SLC8A1: variants seen among roughly 807,000 people sequenced by gnomAD.
SLC8A1 encodes the protein solute carrier family 8 member A1.
In SLC8A1, 18 loss-of-function variants were observed where a neutral mutation model predicts 68.3. The ratio of observed to expected loss-of-function variants is 0.26; its 90% CI spans 0.18 to 0.39. The LOEUF (loss-of-function observed/expected upper bound fraction) is 0.39. Ranked by LOEUF, SLC8A1 falls within the 10% of genes least tolerant of loss-of-function variation. The pLI, the probability that SLC8A1 is intolerant of heterozygous loss-of-function variation, is 1.00. For synonymous variants in SLC8A1, 475 were observed against 415.5 expected, an observed-to-expected ratio of 1.14 and a Z score of -1.74; for missense variants, 985 against 1,156.7, an observed-to-expected ratio of 0.85 and a Z score of 2.15.
At chr2:40,399,536 G>A (rs1036226846) in intron 2 of SLC8A1, among the ~76,000 whole-genome samples, 3 of 152,066 alleles carry the variant, frequency 2.0e-5, no homozygotes, top group Non-Finnish European at 2.9e-5. Context: ...TAGAGGTCTA[G>A]ATCCAAAAAA....
chr2:40,249,130 TTAAGC>T (rs2062337417), intron 2 of SLC8A1, among the ~76,000 whole-genome samples: 1 of 152,182 alleles, frequency 6.6e-6, no homozygotes, highest in African/African-American at 2.4e-5. Flanking sequence ...AGTTCATTGA[TTAAGC>T]TAAGATCTGC....
chr2:40,200,695 G>A (rs934034931), intron 2 of SLC8A1, among the ~76,000 whole-genome samples: 3 of 151,696 alleles, frequency 2.0e-5, no homozygotes, highest in African/African-American at 7.3e-5. Context: ...AAGGCCAAAT[G>A]AAGACATTCC....
intron 7 of SLC8A1, among the ~76,000 whole-genome samples, chr2:40,129,450 C>T (rs751149004): frequency 1.1e-4 from 17 of 151,976 alleles, no homozygotes; most frequent in Non-Finnish European, 2.2e-4. Context: ...TGCCCAGGCT[C>T]ATCTCGAACT....
chr2:40,410,160 C>A (rs1255255883), intron 2 of SLC8A1, among the ~76,000 whole-genome samples: 1 of 152,086 alleles, frequency 6.6e-6, no homozygotes, highest in East Asian at 1.9e-4. Flanking sequence ...AAGTTTTAGA[C>A]AATAAATCTT....
intron 2 of SLC8A1, among the ~76,000 whole-genome samples, chr2:40,348,876 G>C (rs896775597): frequency 1.3e-5 from 2 of 152,148 alleles, no homozygotes; most frequent in African/African-American, 4.8e-5. Context: ...GTCAGGAATG[G>C]GCCTTCATGT....
rs960530078 is a variant in SLC8A1, at chr2:40,307,114, T to A, written c.1808+121359A>T. 3.2e-4 allele frequency among the ~76,000 whole-genome samples: 49 copies of A among 151,148 alleles called. 1 individual carries two copies. The highest frequency in any genetic ancestry group is 3.1e-3 in the Admixed American group (47 of 15,080). ...AAGCAAACAAGTGTCAGTAAACAGATAAACAGATGACTGGCTAAAGAAAAT... is the reference window on the plus strand; with the variant it reads ...AAGCAAACAAGTGTCAGTAAACAGAAAAACAGATGACTGGCTAAAGAAAAT... On this transcript the variant is annotated intron_variant, in intron 2 of 7. Coordinates refer to ENST00000406785, the Ensembl canonical transcript of SLC8A1.
chr2:40,151,870 A>G (rs2043504307), intron 6 of SLC8A1, among the ~76,000 whole-genome samples: 1 of 152,232 alleles, frequency 6.6e-6, no homozygotes, highest in East Asian at 1.9e-4. Context: ...TTCAAATGTC[A>G]TACATTAAAG....
chr2:40,324,088 C>A (rs180935954), intron 2 of SLC8A1, among the ~76,000 whole-genome samples: 2 of 151,512 alleles, frequency 1.3e-5, no homozygotes, highest in Admixed American at 1.3e-4. Flanking sequence ...ATGAAAAATG[C>A]GGCATATAGT....
At chr2:40,327,496 C>T (rs1023169088) in intron 2 of SLC8A1, among the ~76,000 whole-genome samples, 3 of 152,152 alleles carry the variant, frequency 2.0e-5, no homozygotes, top group African/African-American at 7.2e-5. Flanking sequence ...TGAGCATGTT[C>T]TTTCTGCAAA....
At chr2:40,429,677 G>A (rs773609701) in exon 2 of SLC8A1, 7 of 1,613,688 alleles carry the variant, frequency 4.3e-6, no homozygotes, top group African/African-American at 2.7e-5. Context: ...AAGAAGACAC[G>A]CAAATGCTTA....
intron 1 of SLC8A1, among the ~76,000 whole-genome samples, chr2:40,503,643 G>C (rs1272385671): frequency 6.6e-6 from 1 of 151,906 alleles, no homozygotes; most frequent in Non-Finnish European, 1.5e-5. Flanking sequence ...GAATTTAGTA[G>C]CATTTCCATA....
chr2:40,312,479 C>T (rs546591587), intron 2 of SLC8A1, among the ~76,000 whole-genome samples: 1 of 152,194 alleles, frequency 6.6e-6, no homozygotes, highest in South Asian at 2.1e-4. Flanking sequence ...CAGTATTTGA[C>T]TCTGAAGGGC....
intron 4 of SLC8A1, among the ~76,000 whole-genome samples, chr2:40,168,955 A>G (rs1167320684): frequency 1.3e-5 from 2 of 152,230 alleles, no homozygotes; most frequent in African/African-American, 4.8e-5. Context: ...CAATATTGAC[A>G]GGACATAAAA....
At chr2:40,117,746 T>C (rs780690145) in intron 7 of SLC8A1, among the ~76,000 whole-genome samples, 2 of 152,204 alleles carry the variant, frequency 1.3e-5, no homozygotes, top group African/African-American at 2.4e-5. Flanking sequence ...GCTCTGAGCA[T>C]GTATGTAGTT....
intron 7 of SLC8A1, among the ~76,000 whole-genome samples, chr2:40,137,006 A>C: frequency 6.6e-6 from 1 of 152,024 alleles, no homozygotes; most frequent in East Asian, 1.9e-4. Flanking sequence ...TTTCAACAAC[A>C]AATGATTCTG....
intron 2 of SLC8A1, among the ~76,000 whole-genome samples, chr2:40,248,667 T>C (rs2062248070): frequency 6.6e-6 from 1 of 152,198 alleles, no homozygotes. Flanking sequence ...TGTCATTTTT[T>C]TCTAGGTTTA....
upstream of SLC8A1, among the ~76,000 whole-genome samples, chr2:40,456,066 C>T (rs1367904104): frequency 6.6e-6 from 1 of 152,170 alleles, no homozygotes; most frequent in Non-Finnish European, 1.5e-5. Flanking sequence ...CCTGTAATCC[C>T]AGCACTTTGG....
chr2:40,287,924 C>T (rs974544588), intron 2 of SLC8A1, among the ~76,000 whole-genome samples: 8 of 151,926 alleles, frequency 5.3e-5, no homozygotes, highest in East Asian at 1.9e-4. Flanking sequence ...AGAACACGCA[C>T]GTTATGAGAC....
chr2:40,415,659 G>A (rs189926573), intron 2 of SLC8A1, among the ~76,000 whole-genome samples: 4 of 151,912 alleles, frequency 2.6e-5, no homozygotes, highest in East Asian at 1.9e-4. Flanking sequence ...CATTTCAAAG[G>A]ACTAATGCTC....
Sources: gnomAD v4.1 joint callset for allele counts (sites outside exome capture counted in the v4.1 genomes callset) on GRCh38, gnomAD v4.1.1 for gene constraint, MANE v1.5 for transcripts, NCBI Gene and HGNC (gene_info 2026-07-23, HGNC 2026-07-21) for gene names.